The following RET variants were observed in gnomAD, a reference collection of about 807,000 sequenced individuals.
The protein encoded by RET is ret proto-oncogene.
In RET, 19 loss-of-function variants were observed where a neutral mutation model predicts 118.3. The observed-to-expected ratio is 0.16, with a 90% CI of 0.11 to 0.24. RET has a LOEUF of 0.24. Among genes scored for constraint, RET ranks in the 10% least tolerant of loss-of-function variants. The probability of loss-of-function intolerance (pLI) is 1.00; values close to 1 mark genes in which losing one functional copy is unlikely to be tolerated. For synonymous variants in RET, 597 were observed against 644.1 expected (o/e 0.93, Z 1.11); for missense variants, 1,219 against 1,502.1 (o/e 0.81, Z 3.12).
intron 18 of RET, among the ~76,000 whole-genome samples, chr10:43,125,971 G>A (rs1282876332): frequency 6.6e-6 from 1 of 152,214 alleles, no homozygotes; most frequent in Non-Finnish European, 1.5e-5. Context: ...GCACATTCAA[G>A]CTGGGCATTG....
chr10:43,128,330 C>G lies in RET; in HGVS notation c.*61C>G. On this transcript the variant is annotated 3_prime_UTR_variant, in exon 20 of 20. Transcript: ENST00000355710. Reference sequence around the variant, plus strand: ...AAGAAACATGCTGAGAATGGAAAGTCTACCGGCCCTTTCTTTGTGAACGTC... The same window carrying G: ...AAGAAACATGCTGAGAATGGAAAGTGTACCGGCCCTTTCTTTGTGAACGTC... The G allele has an allele frequency of 6.3e-7, 1 of 1,586,860 alleles. No homozygotes were observed. The highest frequency in any genetic ancestry group is 8.7e-7 in the Non-Finnish European group (1 of 1,155,768).
chr10:43,129,733 T>G lies in RET; in HGVS notation c.*1464T>G. 1.9e-5 allele frequency: 7 copies of G among 377,222 alleles called. No individual in the cohort carries two copies. The highest frequency in any genetic ancestry group is 7.5e-5 in the East Asian group (2 of 26,716). The allele number at this position is 377,222 out of a possible 1,614,324, so 23.4% of individuals were successfully genotyped here. On this transcript the variant is annotated 3_prime_UTR_variant, in exon 20 of 20. Transcript: ENST00000355710. The stretch of plus-strand genomic sequence containing the variant: ...TCACAAAAACAGCAAAATTGTGGCA[T>G]TTTGTGAGGCCAAGGCTTGGATGCG...
At chr10:43,104,408 T>C (rs1295025099) in intron 3 of RET, among the ~76,000 whole-genome samples, 1 of 151,938 alleles carries the variant, frequency 6.6e-6, no homozygotes, top group East Asian at 1.9e-4. Context: ...TCCCAGCTAC[T>C]CGGGAGGCTG....
intron 8 of RET, 32 bp downstream of exon 8, chr10:43,112,256 CA>C (rs1837956812): frequency 9.0e-6 from 14 of 1,550,570 alleles, no homozygotes; most frequent in Non-Finnish European, 1.2e-5. Context: ...GGGAGGCCTG[CA>C]GGGGCGATGG....
rs546866208 is a variant in RET at position 43,109,085 on chromosome 10, C to T, written c.1118C>T (p.Ala373Val). Residue 373 changes from alanine to valine, a missense_variant, in exon 6 of 20, where the codon GCG becomes GTG. Physicochemically the swap from Ala to Val is moderately conservative, Grantham distance 64. Transcript: ENST00000355710. ...SISENRTMQLAVLVNDSDFQG... is the reference protein window; with the variant it reads ...SISENRTMQLVVLVNDSDFQG... ...TCGGAGAACCGCACCATGCAGCTGG[C>T]GGTGCTGGTCAATGACTCAGACTTC... 467 of 1,613,756 alleles carry T rather than the reference C, an allele frequency of 2.9e-4. 7 individuals carry two copies. The South Asian group carries it at 4.3e-3, about 15-fold the overall frequency.
At chr10:43,101,087 T>C (rs906694189) in intron 2 of RET, among the ~76,000 whole-genome samples, 4 of 152,204 alleles carry the variant, frequency 2.6e-5, no homozygotes, top group Admixed American at 6.5e-5. Flanking sequence ...CCTGCAACTC[T>C]CTGGAGAAGC....
intron 8 of RET, 130 bp downstream of exon 8, chr10:43,112,354 G>A: frequency 1.5e-6 from 2 of 1,378,910 alleles, no homozygotes; most frequent in Non-Finnish European, 2.0e-6. Context: ...CATCCCCCAT[G>A]TGGCTCTCGA....
Position 43,114,428 on chromosome 10 carries a change from A to C in RET, c.1880-52A>C, listed in dbSNP as rs1041091768. On this transcript the variant is annotated intron_variant, in intron 10 of 19. Coordinates refer to ENST00000355710, the MANE Select transcript of RET (RefSeq NM_020975.6). This position sits in a 1 kb window ranked among gnomAD's most constrained non-coding sequence, Gnocchi z 4.6. ...GGCAGAGCATACGCAGCCTGTACCC[A>C]GTGGTGCCGAGCCTCTGGCGGTGCC... is the stretch of plus-strand genomic sequence containing the variant. 6.2e-7 allele frequency: 1 copy of C among 1,600,344 alleles called. No individual in the cohort carries two copies. Among genetic ancestry groups the C allele is most frequent in the Admixed American group, 1.7e-5 (1 of 59,920 alleles).
intron 3 of RET, among the ~76,000 whole-genome samples, chr10:43,103,692 G>A (rs532112309): frequency 6.6e-6 from 1 of 152,338 alleles, no homozygotes; most frequent in South Asian, 2.1e-4. Flanking sequence ...ATTCTCTGGG[G>A]CAGGGTTGAT....
chr10:43,105,767 A>G (rs1168358075), intron 4 of RET, among the ~76,000 whole-genome samples: 1 of 152,090 alleles, frequency 6.6e-6, no homozygotes. Context: ...CTCTGGGCAC[A>G]CCACGTGCAG....
At chr10:43,122,171 C>G (rs572827780) in intron 16 of RET, among the ~76,000 whole-genome samples, 155 bp downstream of exon 16, 1 of 152,316 alleles carries the variant, frequency 6.6e-6, no homozygotes, top group Non-Finnish European at 1.5e-5. Context: ...GACCCCCTCA[C>G]TGAGGGGCCT....
In RET at chr10:43,106,439, G is replaced by T. The variant is rs1311500725; in HGVS notation, c.931G>T (p.Val311Leu). 7.4e-6 allele frequency: 12 copies of T among 1,613,580 alleles called. No individual in the cohort carries two copies. Among genetic ancestry groups the T allele is most frequent in the Non-Finnish European group, 1.0e-5 (12 of 1,179,860 alleles). The change falls in exon 5 of 20, where the codon GTG (valine) becomes TTG (leucine). Residue 311 changes from valine to leucine, a missense_variant. Val to Leu is a conservative substitution (Grantham distance 32). Coordinates refer to ENST00000355710, the MANE Select transcript of RET (RefSeq NM_020975.6). The surrounding 1 kb of genome is among the most constrained non-coding windows in gnomAD (Gnocchi z 5.1). ...ADVVPASGELVRRYTSTLLPG... is the reference protein window; with the variant it reads ...ADVVPASGELLRRYTSTLLPG... Reference sequence around the variant, plus strand: ...CGTGGTACCTGCATCAGGGGAGCTGGTGAGGCGGTACACAAGCACGCTGCT... The same window carrying T: ...CGTGGTACCTGCATCAGGGGAGCTGTTGAGGCGGTACACAAGCACGCTGCT...
rs1035954847 is a variant in RET at position 43,114,362 on chromosome 10, C to T, written c.1880-118C>T. 3.5e-6 allele frequency: 5 copies of T among 1,430,952 alleles called. No homozygotes were observed. In the African/African-American group the frequency reaches 5.6e-5, roughly 16 times the overall value. The allele number at this position is 1,430,952 out of a possible 1,614,324, so 88.6% of individuals were successfully genotyped here. On this transcript the variant is annotated intron_variant, in intron 10 of 19. Transcript: ENST00000355710. The surrounding 1 kb of genome is among the most constrained non-coding windows in gnomAD (Gnocchi z 4.6). ...AGGCCTTCCCACACCTCCATGGCCA[C>T]TTCCCAGCTGGCGCGGACACGGCAG...
intron 1 of RET, among the ~76,000 whole-genome samples, chr10:43,095,182 C>T (rs975443902): frequency 1.3e-5 from 2 of 151,992 alleles, no homozygotes; most frequent in African/African-American, 4.8e-5. Flanking sequence ...CCTTAGGGCA[C>T]GGGAGCTGAG....
chr10:43,098,277 A>T (rs1837563760), intron 1 of RET, among the ~76,000 whole-genome samples: 2 of 152,046 alleles, frequency 1.3e-5, no homozygotes, highest in Admixed American at 1.3e-4. Context: ...TCACCATCCT[A>T]TGTTGTGTCT....
intron 1 of RET, among the ~76,000 whole-genome samples, chr10:43,080,872 G>A (rs545778360): frequency 8.5e-5 from 13 of 152,344 alleles, no homozygotes; most frequent in East Asian, 5.8e-4. Context: ...GCAGATGTTC[G>A]GCTGGGACAC....
chr10:43,091,822 C>CAAAAAAAAAAAAAAAAAAAA (rs60545334), intron 1 of RET, among the ~76,000 whole-genome samples: 1 of 114,612 alleles, frequency 8.7e-6, no homozygotes, highest in Non-Finnish European at 1.8e-5. Context: ...TGTCTACTAT[C>CAAAAAAAAAAAAAAAAAAAA]AAAAAAAAAA....
rs201163130 is a variant in RET, at chr10:43,098,421, C to T, written c.74-2038C>T. Among the ~76,000 whole-genome samples, 21 of 129,760 alleles carry T rather than the reference C, an allele frequency of 1.6e-4. No individual in the cohort carries two copies. In the East Asian group the frequency reaches 3.3e-3, roughly 21 times the overall value. The allele number at this position is 129,760 out of a possible 152,430, so 85.1% of individuals were successfully genotyped here. A position where few individuals can be genotyped will look rare whatever the true frequency, so the allele number is the denominator to read the frequency against. The stretch of plus-strand genomic sequence containing the variant: ...TATAGCCTGTGTCAGGATTTTCCTC[C>T]TTTTTTTTTTTTTTTTTTTGAGACA... On this transcript the variant is annotated intron_variant, in intron 1 of 19. Transcript: ENST00000355710.
At chr10:43,081,018 C>T (rs140060522) in intron 1 of RET, among the ~76,000 whole-genome samples, 82 of 152,304 alleles carry the variant, frequency 5.4e-4, no homozygotes, top group Middle Eastern at 3.4e-3. Context: ...TCATGCAGGA[C>T]AGGGCCTTCC....
Sources: gnomAD v4.1 joint callset for allele counts (sites outside exome capture counted in the v4.1 genomes callset) on GRCh38, gnomAD v4.1.1 for gene constraint, Gnocchi (gnomAD v3.1) non-coding constraint, MANE v1.5 for transcripts, NCBI Gene and HGNC (gene_info 2026-07-23, HGNC 2026-07-21) for gene names.